Variants in DMD observed in about 807,000 individuals in gnomAD.
DMD encodes the protein mutant dystrophin.
DMD carries 63 observed loss-of-function variants against 330.1 expected under a neutral mutation model. That is an observed-to-expected ratio of 0.19 (90% CI 0.16 to 0.24). The LOEUF is 0.24. DMD is among the 10% of genes least tolerant of loss of function. DMD has a pLI of 1.00. For synonymous variants in DMD, 1,223 were observed against 959.8 expected (o/e 1.27, Z -5.07); for missense variants, 3,344 against 2,684.1 (o/e 1.25, Z -5.43).
chrX:31,461,680 G>C (rs1229046168), intron 59 of DMD, among the ~76,000 whole-genome samples: 1 of 110,986 alleles, frequency 9.0e-6, no homozygotes. Context: ...GTGGAGGGTA[G>C]GTGGATTTTC....
At chrX:31,974,511 T>TA (rs2095422161) in intron 44 of DMD, among the ~76,000 whole-genome samples, 2 of 111,087 alleles carry the variant, frequency 1.8e-5, no homozygotes, top group East Asian at 5.7e-4. Context: ...CTGTTATCTT[T>TA]TTTTTTTTCA....
At chrX:31,296,327 T>C (rs2054186088) in intron 62 of DMD, among the ~76,000 whole-genome samples, 1 of 111,998 alleles carries the variant, frequency 8.9e-6, no homozygotes, top group African/African-American at 3.2e-5. Flanking sequence ...GACTGATAGC[T>C]TGAGGACTCA....
chrX:32,699,283 G>C lies in DMD; in HGVS notation c.660C>G (p.Thr220=). The change falls in exon 8 of 79, where the codon ACC becomes ACG. Residue 220 remains threonine, a synonymous_variant. Coordinates refer to ENST00000357033, the MANE Select transcript of DMD (RefSeq NM_004006.3). ...EKLLDPEDVD[T]TYPDKKSILM... is the part of the protein sequence containing the mutation. Reference sequence around the variant, plus strand: ...AGATGGACTTCTTATCTGGATAGGTGGTATCAACATCTGTAAGCACATTAA... The same window carrying C: ...AGATGGACTTCTTATCTGGATAGGTCGTATCAACATCTGTAAGCACATTAA... The C allele has an allele frequency of 8.3e-7, 1 of 1,204,058 alleles. No homozygotes were observed. Among genetic ancestry groups the C allele is most frequent in the Non-Finnish European group, 1.1e-6 (1 of 889,012 alleles).
intron 21 of DMD, among the ~76,000 whole-genome samples, chrX:32,474,683 T>A (rs1006359837): frequency 3.6e-5 from 4 of 111,788 alleles, no homozygotes; most frequent in African/African-American, 1.3e-4. Flanking sequence ...TCTATTCATG[T>A]CCTTAGCCCA....
chrX:31,973,322 T>G (rs2095413240), intron 44 of DMD, among the ~76,000 whole-genome samples: 1 of 109,238 alleles, frequency 9.2e-6, no homozygotes, highest in Non-Finnish European at 1.9e-5. Flanking sequence ...AAAAATAGTA[T>G]AGAAAAGCAA....
chrX:32,119,276 G>C (rs1185211896), intron 44 of DMD, among the ~76,000 whole-genome samples: 2 of 105,090 alleles, frequency 1.9e-5, no homozygotes, highest in African/African-American at 7.0e-5. Context: ...GGAGGTTTCA[G>C]TGAGCTTAGA....
intron 55 of DMD, among the ~76,000 whole-genome samples, chrX:31,556,642 C>T (rs2074854527): frequency 9.1e-6 from 1 of 109,444 alleles, no homozygotes; most frequent in African/African-American, 3.3e-5. Flanking sequence ...TTAAAAAAAC[C>T]CAAGCATCAT....
intron 7 of DMD, among the ~76,000 whole-genome samples, chrX:32,750,096 T>TATAG (rs1419149194): frequency 3.6e-5 from 4 of 112,367 alleles, no homozygotes; most frequent in African/African-American, 1.3e-4. Context: ...AAGACACTCA[T>TATAG]AAGTGTTTAT....
chrX:31,574,963 C>T (rs1313714397), intron 55 of DMD, among the ~76,000 whole-genome samples: 2 of 111,595 alleles, frequency 1.8e-5, no homozygotes, highest in Non-Finnish European at 3.8e-5. Flanking sequence ...AATATATATT[C>T]GGTATCAAGA....
chrX:32,513,978 T>A (rs2045593030), intron 18 of DMD, among the ~76,000 whole-genome samples: 1 of 111,801 alleles, frequency 8.9e-6, no homozygotes, highest in Admixed American at 9.5e-5. Context: ...GTTCTAGTTC[T>A]ACAGAGGGAT....
At position 31,507,408 on chromosome X, in the gene DMD, G is replaced by T; in HGVS notation, c.8263C>A (p.Leu2755Met). The change falls in exon 56 of 79, where the codon CTG becomes ATG. Residue 2755 changes from leucine to methionine, a missense_variant. By Grantham distance (15) the Leu-to-Met change is conservative. Transcript: ENST00000357033. The part of the protein sequence containing the change: ...IEAHTDVYHN[L>M]DENSQKILRS... ...AGGATTTTTTGGCTGTTTTCATCCA[G>T]GTTGTGATAAACATCTGTGTGAGCT... 8.3e-7 allele frequency: 1 copy of T among 1,210,711 alleles called. No homozygotes were observed. The highest frequency in any genetic ancestry group is 1.1e-6 in the Non-Finnish European group (1 of 894,744).
At position 31,346,782 on chromosome X, in the gene DMD, T is replaced by A. The variant is rs1306465816; in HGVS notation, c.9163+1774A>T. Among the ~76,000 whole-genome samples, 3 of 108,822 alleles carry A rather than the reference T, an allele frequency of 2.8e-5. No homozygotes were observed. The East Asian group carries it at 8.6e-4, about 31-fold the overall frequency. 94.5% of individuals were successfully genotyped at this position (108,822 alleles called of 115,157 possible). The stretch of plus-strand genomic sequence containing the variant: ...GGGAGGCCAAGGCGAGTGGATCACT[T>A]GAGGTCAGGAGCTCGAGACCAGCCT... On this transcript the variant is annotated intron_variant, in intron 61 of 78. Transcript: ENST00000357033.
chrX:32,128,426 A>G (rs986438244), intron 44 of DMD, among the ~76,000 whole-genome samples: 2 of 112,362 alleles, frequency 1.8e-5, no homozygotes, highest in African/African-American at 6.5e-5. Context: ...TTTGTAGTAC[A>G]AAATCATGAA....
intron 52 of DMD, among the ~76,000 whole-genome samples, chrX:31,680,892 C>T (rs2148744637): frequency 8.9e-6 from 1 of 111,897 alleles, no homozygotes; most frequent in Admixed American, 9.5e-5. Context: ...AAAAATAATA[C>T]AGAAAACAAG....
At chrX:32,475,752 T>C (rs1229378695) in intron 21 of DMD, among the ~76,000 whole-genome samples, 1 of 111,067 alleles carries the variant, frequency 9.0e-6, no homozygotes, top group Non-Finnish European at 1.9e-5. Flanking sequence ...TGCTGAATTA[T>C]TTTATCAGTT....
At chrX:31,749,233 G>GTA (rs1272008720) in intron 51 of DMD, among the ~76,000 whole-genome samples, 24 of 106,602 alleles carry the variant, frequency 2.3e-4, no homozygotes, top group Non-Finnish European at 4.1e-4. Context: ...ATGCTGGCAC[G>GTA]CTGCACCCAC....
chrX:33,010,164 A>G (rs1328105132), intron 2 of DMD, among the ~76,000 whole-genome samples: 1 of 104,245 alleles, frequency 9.6e-6, no homozygotes. Flanking sequence ...ATGTGTGTAT[A>G]TGTATATATG....
chrX:33,119,992 C>A (rs752221240), intron 1 of DMD, among the ~76,000 whole-genome samples: 4 of 111,834 alleles, frequency 3.6e-5, no homozygotes, highest in Admixed American at 9.5e-5. Flanking sequence ...CGATCCACCT[C>A]CTGTTCACTT....
chrX:32,893,560 C>G (rs1314327075), intron 2 of DMD, among the ~76,000 whole-genome samples: 1 of 112,002 alleles, frequency 8.9e-6, no homozygotes, highest in Non-Finnish European at 1.9e-5. Flanking sequence ...CCATTAAAAC[C>G]CCTCAGAGGT....
Sources: allele counts gnomAD v4.1 joint callset (sites outside exome capture counted in the v4.1 genomes callset), GRCh38; gene constraint gnomAD v4.1.1; transcripts MANE v1.5; gene names NCBI Gene and HGNC (gene_info 2026-07-23, HGNC 2026-07-21).